SNTG1: variants seen among roughly 807,000 people sequenced by gnomAD.
The protein encoded by SNTG1 is syntrophin gamma 1, also known as gamma-1-syntrophin.
SNTG1 carries 39 observed loss-of-function variants against 74.7 expected under a neutral mutation model. The observed-to-expected ratio is 0.52, with a 90% CI of 0.40 to 0.68. The LOEUF (loss-of-function observed/expected upper bound fraction) is 0.68, where lower values mean the gene tolerates loss of function less well. SNTG1 is among the 30% of genes least tolerant of loss of function. The pLI is 0.00. For synonymous variants in SNTG1, 254 were observed against 217.1 expected, an observed-to-expected ratio of 1.17 and a Z score of -1.49; for missense variants, 685 against 609.5, an observed-to-expected ratio of 1.12 and a Z score of -1.30.
chr8:50,394,845 A>T (rs7845427), intron 3 of SNTG1, among the ~76,000 whole-genome samples: 136,961 of 149,244 alleles, frequency 0.92, 63,359 homozygotes, highest in Non-Finnish European at 0.99. Context: ...AGAAAAACTA[A>T]CTTTTTTTTT....
At chr8:50,189,201 A>G (rs896700235) in intron 2 of SNTG1, among the ~76,000 whole-genome samples, 1 of 152,196 alleles carries the variant, frequency 6.6e-6, no homozygotes, top group African/African-American at 2.4e-5. Context: ...TTAAGCCATC[A>G]GAGGTATTAT....
intron 15 of SNTG1, among the ~76,000 whole-genome samples, chr8:50,698,556 C>A (rs898203243): frequency 6.6e-6 from 1 of 152,100 alleles, no homozygotes; most frequent in Non-Finnish European, 1.5e-5. Context: ...ACTTGATTCT[C>A]GGTTCTGGCT....
chr8:50,376,719 T>A (rs538242615), intron 2 of SNTG1, among the ~76,000 whole-genome samples: 138 of 128,062 alleles, frequency 1.1e-3, no homozygotes, highest in African/African-American at 3.4e-3. Flanking sequence ...ATATATTTAA[T>A]ATTAATAAAT....
intron 12 of SNTG1, among the ~76,000 whole-genome samples, chr8:50,577,151 T>C (rs2094581351): frequency 6.6e-6 from 1 of 152,166 alleles, no homozygotes; most frequent in South Asian, 2.1e-4. Flanking sequence ...AGTTTCCTTC[T>C]ATTTCTAGTA....
rs190929551 is a variant in SNTG1, at chr8:50,256,513, T to C, written c.-28+83878T>C. Among the ~76,000 whole-genome samples the C allele has an allele frequency of 5.6e-3, 850 of 152,172 alleles. 3 individuals carry two copies. Among genetic ancestry groups the C allele is most frequent in the Admixed American group, 0.013 (192 of 15,286 alleles). On this transcript the variant is annotated intron_variant, in intron 2 of 18. Coordinates refer to ENST00000642720, the MANE Select transcript of SNTG1 (RefSeq NM_018967.5). ...CATGAATGTGAGTATGGATAAAACA[T>C]GTCTTCAAAAATTTGCAGACTGGTA...
At chr8:50,068,474 C>G (rs544527385) in intron 1 of SNTG1, among the ~76,000 whole-genome samples, 29 of 152,158 alleles carry the variant, frequency 1.9e-4, no homozygotes, top group Non-Finnish European at 3.7e-4. Flanking sequence ...TTTGAGTACT[C>G]CAGACTCAGG....
rs1810985778 is a variant in SNTG1, at chr8:49,964,658, C to T, written c.-103+52427C>T. 3.3e-5 allele frequency among the ~76,000 whole-genome samples: 5 copies of T among 152,210 alleles called. No homozygotes were observed. In the South Asian group the frequency reaches 8.3e-4, roughly 25 times the overall value. On this transcript the variant is annotated intron_variant, in intron 1 of 18. Transcript: ENST00000642720. ...AAACCTCTGGAACAGGTGCGTTCTA[C>T]TCACTTTCACCTTGTTTAGGCATAT...
intron 1 of SNTG1, among the ~76,000 whole-genome samples, chr8:50,011,584 A>AT (rs1310240203): frequency 3.3e-5 from 5 of 151,930 alleles, no homozygotes; most frequent in Non-Finnish European, 7.4e-5. Context: ...AATTCTAATA[A>AT]TTTTTATACG....
chr8:50,232,198 T>A (rs1381691727), intron 2 of SNTG1, among the ~76,000 whole-genome samples: 4 of 151,542 alleles, frequency 2.6e-5, no homozygotes, highest in African/African-American at 9.6e-5. Context: ...TGTAAAACTG[T>A]TTTTAAAAAT....
At chr8:50,244,690 C>T (rs2086313899) in intron 2 of SNTG1, among the ~76,000 whole-genome samples, 1 of 152,138 alleles carries the variant, frequency 6.6e-6, no homozygotes, top group African/African-American at 2.4e-5. Context: ...TGGGCTCCAA[C>T]CTGAATATCT....
intron 2 of SNTG1, among the ~76,000 whole-genome samples, chr8:50,268,213 C>A (rs1201431302): frequency 2.0e-5 from 3 of 152,086 alleles, no homozygotes. Context: ...TGTATAAGAT[C>A]TGTATGCTAG....
intron 3 of SNTG1, among the ~76,000 whole-genome samples, chr8:50,401,143 T>C (rs1399922931): frequency 1.3e-5 from 2 of 152,128 alleles, no homozygotes. Context: ...TATCCCCATA[T>C]ATATATTCCA....
chr8:50,667,931 A>G (rs1424987871), intron 15 of SNTG1, among the ~76,000 whole-genome samples: 2 of 152,030 alleles, frequency 1.3e-5, no homozygotes, highest in African/African-American at 4.8e-5. Context: ...CTCTGATAAT[A>G]GAACTTTAAT....
rs770908578 is a variant in SNTG1 at position 50,121,196 on chromosome 8, G to A, written c.-102-51365G>A. The stretch of plus-strand genomic sequence containing the variant: ...TGAATATAACAACAGCATTGTCAGA[G>A]TTAAAATTTATTGAACTGGATGCTT... On this transcript the variant is annotated intron_variant, in intron 1 of 18. Coordinates refer to ENST00000642720, the MANE Select transcript of SNTG1 (RefSeq NM_018967.5). Among the ~76,000 whole-genome samples, 6 of 142,390 alleles carry A rather than the reference G, an allele frequency of 4.2e-5. 1 individual carries two copies. The highest frequency in any genetic ancestry group is 9.4e-5 in the Non-Finnish European group (6 of 63,890). 93.4% of individuals were successfully genotyped at this position (142,390 alleles called of 152,430 possible).
intron 1 of SNTG1, among the ~76,000 whole-genome samples, chr8:50,170,133 G>C (rs2082755130): frequency 6.6e-6 from 1 of 152,140 alleles, no homozygotes; most frequent in Non-Finnish European, 1.5e-5. Context: ...GCTCACCTCT[G>C]TGGCTATAGA....
chr8:50,687,154 TA>T lies in SNTG1; in HGVS notation c.1039-17442del, dbSNP rs201505626. On this transcript the variant is annotated intron_variant, in intron 15 of 18. Coordinates refer to ENST00000642720, the MANE Select transcript of SNTG1 (RefSeq NM_018967.5). ...GAGACTCCGTCTCAAAAAAAAAAAATAAAATAAACATGAAAACAATTCAAAA... is the reference window on the plus strand; with the variant it reads ...GAGACTCCGTCTCAAAAAAAAAAAATAAATAAACATGAAAACAATTCAAAA... 3.8e-3 allele frequency among the ~76,000 whole-genome samples: 455 copies of T among 120,484 alleles called. 3 individuals are homozygous for T. The highest frequency in any genetic ancestry group is 0.016 in the African/African-American group (369 of 23,596). The allele number at this position is 120,484 out of a possible 152,430, so 79.0% of individuals were successfully genotyped here. A position where few individuals can be genotyped will look rare whatever the true frequency, so the allele number is the denominator to read the frequency against.
intron 1 of SNTG1, among the ~76,000 whole-genome samples, chr8:50,052,960 G>A (rs1005289940): frequency 3.9e-5 from 6 of 152,056 alleles, no homozygotes; most frequent in African/African-American, 1.2e-4. Flanking sequence ...TTATATTGCT[G>A]GGGCATCTGA....
rs542180744 is a variant in SNTG1, at chr8:50,670,362, A to C, written c.1038+11699A>C. Among the ~76,000 whole-genome samples the C allele has an allele frequency of 7.9e-4, 120 of 151,582 alleles. 1 individual carries two copies. In the South Asian group the frequency reaches 0.021, roughly 27 times the overall value. On this transcript the variant is annotated intron_variant, in intron 15 of 18. Transcript: ENST00000642720. ...AGCAAAGTCTCAGGATACAAAATCA[A>C]TATACAAAAATCACAAGCATTCTTA...
intron 8 of SNTG1, among the ~76,000 whole-genome samples, chr8:50,498,623 T>G (rs968415760): frequency 6.6e-6 from 1 of 151,924 alleles, no homozygotes; most frequent in African/African-American, 2.4e-5. Context: ...TGTGTTTTTA[T>G]TGGATGTACT....
Sources: gnomAD v4.1 joint callset for allele counts (sites outside exome capture counted in the v4.1 genomes callset) on GRCh38, gnomAD v4.1.1 for gene constraint, MANE v1.5 for transcripts, NCBI Gene and HGNC (gene_info 2026-07-23, HGNC 2026-07-21) for gene names.